The following TTN variants were observed in gnomAD, a reference collection of about 807,000 sequenced individuals.
TTN encodes connectin.
In TTN, 1,525 loss-of-function variants were observed where a neutral mutation model predicts 3,223.0. The observed-to-expected ratio is 0.47, with a 90% CI of 0.45 to 0.49. The LOEUF (loss-of-function observed/expected upper bound fraction) is 0.49, where lower values mean the gene tolerates loss of function less well. TTN is among the 20% of genes least tolerant of loss of function. TTN has a pLI of 0.00. For synonymous variants in TTN, 14,094 were observed against 15,161.0 expected (o/e 0.93, Z 5.17); for missense variants, 40,786 against 43,424.0 (o/e 0.94, Z 5.40).
Position 178,557,040 on chromosome 2 carries a change from C to G in TTN, c.88114G>C (p.Val29372Leu). The change falls in exon 330 of 363, where the codon GTT becomes CTT. Residue 29372 changes from valine (V) to leucine (L), a missense_variant. By Grantham distance (32) the Val-to-Leu change is conservative (BLOSUM62 1). Coordinates refer to ENST00000589042, the MANE Select transcript of TTN (RefSeq NM_001267550.2). The stretch of plus-strand genomic sequence containing the variant: ...CCATCTGGAAGGTCACGTCTCTCAA[C>G]AATGTAGCCTGTAATCTTGCTACCT... ...DGGSKITGYI[V>L]ERRDLPDGRW... 1.2e-6 allele frequency: 2 copies of G among 1,613,790 alleles called. No individual in the cohort carries two copies. Among genetic ancestry groups the G allele is most frequent in the Non-Finnish European group, 1.7e-6 (2 of 1,179,826 alleles).
At position 178,620,046 on chromosome 2, in the gene TTN, C is replaced by CTCA. The variant is rs754323171; in HGVS notation, c.46368_46370dup (p.Asp15456dup). On this transcript the variant is annotated inframe_insertion, in exon 249 of 363. Transcript: ENST00000589042. ...CTTCTACCCCGCAAGCATATTCACA[C>CTCA]TCATCATCCAGCCTGCAATCTTTTA... 1 of 1,611,880 alleles carries CTCA rather than the reference C, an allele frequency of 6.2e-7. No homozygotes were observed. The highest frequency in any genetic ancestry group is 1.3e-5 in the African/African-American group (1 of 74,748).
rs574577289 is a variant in TTN at position 178,575,346 on chromosome 2, T to C, written c.70786A>G (p.Thr23596Ala). ...TGGAAGGTATATTCCTCTCCTTCAG[T>C]TAGATTCCTCACAACACATTCTAAC... ...KGLECVVRNL[T>A]EGEEYTFQVM... Residue 23596 changes from threonine to alanine, a missense_variant, in exon 326 of 363, where the codon ACT becomes GCT. Thr to Ala is a moderately conservative substitution (Grantham distance 58). Transcript: ENST00000589042. This position sits in a 1 kb window ranked among gnomAD's most constrained non-coding sequence, Gnocchi z 4.0. The C allele has an allele frequency of 6.2e-7, 1 of 1,613,592 alleles. No homozygotes were observed. Among genetic ancestry groups the C allele is most frequent in the African/African-American group, 1.3e-5 (1 of 75,042 alleles).
Position 178,665,468 on chromosome 2 carries a change from G to A in TTN, c.35960-8C>T. 1.2e-6 allele frequency: 2 copies of A among 1,611,502 alleles called. No homozygotes were observed. The highest frequency in any genetic ancestry group is 1.7e-6 in the Non-Finnish European group (2 of 1,178,828). ...CTTTCATAGCTTCTGGTGCTTTGAA[G>A]ATATTAGTATTATGGTTAGAGGTTA... is the stretch of plus-strand genomic sequence containing the variant. On this transcript the variant is annotated splice_polypyrimidine_tract_variant and splice_region_variant and intron_variant, in intron 164 of 362. Coordinates refer to ENST00000589042, the MANE Select transcript of TTN (RefSeq NM_001267550.2).
chr2:178,753,298 C>A (rs2086081253), intron 46 of TTN, 118 bp from the exon 47 acceptor site: 4 of 743,506 alleles, frequency 5.4e-6, no homozygotes, highest in Non-Finnish European at 8.8e-6. Flanking sequence ...AAACTACATT[C>A]CCCAAATTTA....
chr2:178,787,054 TGTTCATTTTAAAA>T (rs1183943876), intron 13 of TTN, among the ~76,000 whole-genome samples: 2 of 152,166 alleles, frequency 1.3e-5, no homozygotes, highest in African/African-American at 4.8e-5. Context: ...CACATAGCCA[TGTTCATTTTAAAA>T]GTACATTTTA....
rs890531049 is a variant in TTN, at chr2:178,756,121, T to A, written c.11254+101A>T. 5 of 882,158 alleles carry A rather than the reference T, an allele frequency of 5.7e-6. No individual in the cohort carries two copies. The Admixed American group carries it at 9.4e-5, about 17-fold the overall frequency. The allele number at this position is 882,158 out of a possible 1,614,324, so 54.6% of individuals were successfully genotyped here. A position where few individuals can be genotyped will look rare whatever the true frequency, so the allele number is the denominator to read the frequency against. On this transcript the variant is annotated intron_variant, in intron 46 of 362. Coordinates refer to ENST00000589042, the MANE Select transcript of TTN (RefSeq NM_001267550.2). ...TATGAATAGGGTGCTAATTTAGAGA[T>A]ATTCTAATTAATATATTCGTCGATT...
At chr2:178,747,437 T>G (rs751270319) in intron 47 of TTN, 11 of 1,613,218 alleles carry the variant, frequency 6.8e-6, no homozygotes, top group South Asian at 1.1e-5. Flanking sequence ...TGGTGGGGTA[T>G]AAAACTGATC....
rs1203421858 is a variant in TTN, at chr2:178,732,207, T to G, written c.16762A>C (p.Ser5588Arg). Reference protein sequence around the residue: ...FANDREIKESSKHRMSFVEST... With the variant: ...FANDREIKESRKHRMSFVEST... ...TCCACAAAAGACATTCTGTGTTTGC[T>G]GCTCTCCTTAATTTCTCTATCATTT... Residue 5588 changes from serine to arginine, a missense_variant, in exon 57 of 363, where the codon AGC becomes CGC. Ser to Arg is a moderately radical substitution (Grantham distance 110). Transcript: ENST00000589042. 19 of 1,613,784 alleles carry G rather than the reference T, an allele frequency of 1.2e-5. No individual in the cohort carries two copies. Among genetic ancestry groups the G allele is most frequent in the Non-Finnish European group, 1.6e-5 (19 of 1,179,810 alleles).
chr2:178,676,224 T>C, intron 147 of TTN: 1 of 361,134 alleles, frequency 2.8e-6, no homozygotes, highest in Non-Finnish European at 5.0e-6. Flanking sequence ...GCAAAAATAA[T>C]TGCGGTTTTG....
chr2:178,654,296 G>A lies in TTN; in HGVS notation c.38297-5C>T. The A allele has an allele frequency of 6.3e-7, 1 of 1,596,378 alleles. No individual in the cohort carries two copies. Among genetic ancestry groups the A allele is most frequent in the South Asian group, 1.1e-5 (1 of 87,654 alleles). ...CTTCTTTAGGAGCTTCAGGAACTTT[G>A]AAGATATTAGTATCTTTTAGTTAGA... On this transcript the variant is annotated splice_polypyrimidine_tract_variant and splice_region_variant and intron_variant, in intron 192 of 362. Coordinates refer to ENST00000589042, the MANE Select transcript of TTN (RefSeq NM_001267550.2).
chr2:178,675,634 G>A (rs2067915266), intron 149 of TTN, 37 bp downstream of exon 149: 21 of 1,356,396 alleles, frequency 1.5e-5, no homozygotes, highest in Middle Eastern at 2.7e-4. Context: ...GTTCAACATC[G>A]GTGCAGCAAA....
At chr2:178,763,281 C>T (rs1473803570) in intron 43 of TTN, among the ~76,000 whole-genome samples, 2 of 152,206 alleles carry the variant, frequency 1.3e-5, no homozygotes, top group Non-Finnish European at 2.9e-5. Flanking sequence ...ACTTGAGAAG[C>T]ATGCCCCAAT....
Position 178,605,438 on chromosome 2 carries a change from T to A in TTN, c.53857A>T (p.Asn17953Tyr). 1 of 1,606,442 alleles carries A rather than the reference T, an allele frequency of 6.2e-7. No homozygotes were observed. The highest frequency in any genetic ancestry group is 8.5e-7 in the Non-Finnish European group (1 of 1,175,430). The change falls in exon 279 of 363, where the codon AAT becomes TAT. Residue 17953 changes from asparagine to tyrosine, a missense_variant. Physicochemically the swap from Asn to Tyr is moderately radical, Grantham distance 143. Transcript: ENST00000589042. ...CCTTCATCATCTTGTATGACTACAT[T>A]AAGAGGTAGGGATGGTTCACTTTCA... ...IGESEPSLPL[N>Y]VVIQDDEVPP...
At position 178,616,851 on chromosome 2, in the gene TTN, G is replaced by T. The variant is rs746576156; in HGVS notation, c.48038C>A (p.Thr16013Asn). 2.5e-6 allele frequency: 4 copies of T among 1,612,494 alleles called. No individual in the cohort carries two copies. The South Asian group carries it at 4.4e-5, about 18-fold the overall frequency. Reference protein sequence around the residue: ...LETGDRVKMKTLSAYAELVIS... With the variant: ...LETGDRVKMKNLSAYAELVIS... ...GACAAGTTCGGCATAGGCAGACAAGGTCTTCATTTTCACCCGGTCCCCTGT... is the reference window on the plus strand; with the variant it reads ...GACAAGTTCGGCATAGGCAGACAAGTTCTTCATTTTCACCCGGTCCCCTGT... The change falls in exon 256 of 363, where the codon ACC becomes AAC. Residue 16013 changes from threonine to asparagine, a missense_variant. Coordinates refer to ENST00000589042, the MANE Select transcript of TTN (RefSeq NM_001267550.2).
Position 178,728,612 on chromosome 2 carries a change from G to A in TTN, c.19314C>T (p.Asn6438=), listed in dbSNP as rs756954714. 14 of 1,613,004 alleles carry A rather than the reference G, an allele frequency of 8.7e-6. No homozygotes were observed. The highest frequency in any genetic ancestry group is 4.5e-5 in the East Asian group (2 of 44,762). Residue 6438 remains asparagine (N), a synonymous_variant, in exon 66 of 363, where the codon AAC becomes AAT. Transcript: ENST00000589042. Reference sequence around the variant, plus strand: ...CTGACTGAATTCTAAAACTGGCCACGTTATTTTCAAAACTCATTGAAAAGT... The same window carrying A: ...CTGACTGAATTCTAAAACTGGCCACATTATTTTCAAAACTCATTGAAAAGT... The part of the protein sequence containing the change: ...SRYFSMSFEN[N]VASFRIQSVM...
At chr2:178,528,108 G>T in intron 361 of TTN, 166 bp downstream of exon 361, 1 of 761,146 alleles carries the variant, frequency 1.3e-6, no homozygotes, top group Non-Finnish European at 2.0e-6. Context: ...TTTCTGTGTA[G>T]CTATAAAGAA....
chr2:178,793,338 AAGGTGAT>A, intron 9 of TTN, 59 bp downstream of exon 9: 1 of 1,583,190 alleles, frequency 6.3e-7, no homozygotes, highest in Non-Finnish European at 8.6e-7. Context: ...CTTCATGGTA[AAGGTGAT>A]TATCTGTGTT....
chr2:178,749,859 A>G (rs766076418), intron 47 of TTN: 3 of 1,613,014 alleles, frequency 1.9e-6, no homozygotes, highest in Non-Finnish European at 2.5e-6. Flanking sequence ...CCAGATATTA[A>G]ACATTCAAGA....
At position 178,777,820 on chromosome 2, in the gene TTN, T is replaced by C. The variant is rs1307396213; in HGVS notation, c.4364A>G (p.Tyr1455Cys). 2.5e-6 allele frequency: 4 copies of C among 1,613,946 alleles called. No homozygotes were observed. Among genetic ancestry groups the C allele is most frequent in the Non-Finnish European group, 3.4e-6 (4 of 1,179,966 alleles). ...AGGTTTTAACACAAAGACTGGTTTA[T>C]ATAGTCTCTCAAGTTGTGACTCATC... ...ETDESQLERL[Y>C]KPVFVLKPVS... Residue 1455 changes from tyrosine (Y) to cysteine (C), a missense_variant, in exon 25 of 363, where the codon TAT becomes TGT. By Grantham distance (194) the Tyr-to-Cys change is radical. Transcript: ENST00000589042.
Sources: allele counts gnomAD v4.1 joint callset (sites outside exome capture counted in the v4.1 genomes callset), GRCh38; gene constraint gnomAD v4.1.1; non-coding constraint Gnocchi (gnomAD v3.1); transcripts MANE v1.5; gene names NCBI Gene and HGNC (gene_info 2026-07-23, HGNC 2026-07-21).